Variants in TRAP1 observed in about 807,000 individuals in gnomAD.
TRAP1 encodes the protein TNF receptor associated protein 1, also known as heat shock protein 75 kDa, mitochondrial.
In TRAP1, 102 loss-of-function variants were observed where a neutral mutation model predicts 89.1. The ratio of observed to expected loss-of-function variants is 1.15; its 90% CI spans 0.98 to 1.35. TRAP1 has a LOEUF of 1.35. Ranked by LOEUF, TRAP1 falls within the 40% of genes most tolerant of loss-of-function variation. The pLI, the probability that TRAP1 is intolerant of heterozygous loss-of-function variation, is 0.00. For missense variants in TRAP1, 1,256 were observed against 945.3 expected, an observed-to-expected ratio of 1.33 and a Z score of -4.31; for synonymous variants, 508 against 388.0, an observed-to-expected ratio of 1.31 and a Z score of -3.64.
chr16:3,691,011 A>T, intron 1 of TRAP1, 26 bp from the exon 2 acceptor site: 1 of 1,454,896 alleles, frequency 6.9e-7, no homozygotes, highest in Non-Finnish European at 9.1e-7. Context: ...TGCAGAAAGA[A>T]TGAGAATTAG....
At chr16:3,659,153 C>G in intron 16 of TRAP1, 2 of 318,088 alleles carry the variant, frequency 6.3e-6, no homozygotes, top group Non-Finnish European at 1.2e-5. Context: ...GCCTTGGTTC[C>G]TAGATAAATA....
At chr16:3,683,574 T>A (rs1403433735) in intron 4 of TRAP1, among the ~76,000 whole-genome samples, 2 of 151,494 alleles carry the variant, frequency 1.3e-5, no homozygotes, top group African/African-American at 4.8e-5. Flanking sequence ...TTATTAGAGA[T>A]GGGGTTTCAC....
At position 3,666,560 on chromosome 16, in the gene TRAP1, TAA is replaced by T. The variant is rs35863772; in HGVS notation, c.1236-444_1236-443del. ...AAAATTATGTAATGCTAAATGGCCATAAAAAAAAAAAACTGCATCTTTTAATA... is the reference window on the plus strand; with the variant it reads ...AAAATTATGTAATGCTAAATGGCCATAAAAAAAAAACTGCATCTTTTAATA... On this transcript the variant is annotated intron_variant, in intron 11 of 17. Coordinates refer to ENST00000246957, the MANE Select transcript of TRAP1 (RefSeq NM_016292.3). 8.2e-3 allele frequency among the ~76,000 whole-genome samples: 1,210 copies of T among 147,786 alleles called. 18 individuals are homozygous for T. The highest frequency in any genetic ancestry group is 0.028 in the African/African-American group (1,154 of 40,772).
At chr16:3,712,610 T>A (rs908138066) in intron 1 of TRAP1, among the ~76,000 whole-genome samples, 6 of 152,182 alleles carry the variant, frequency 3.9e-5, no homozygotes, top group African/African-American at 1.4e-4. Flanking sequence ...ACATTCGGAT[T>A]GATGTGTTTG....
At chr16:3,708,137 G>A (rs2051476216) in intron 1 of TRAP1, among the ~76,000 whole-genome samples, 2 of 152,038 alleles carry the variant, frequency 1.3e-5, no homozygotes, top group South Asian at 2.1e-4. Context: ...GGTCAGGCCT[G>A]CAGCGAGCCA....
Position 3,685,981 on chromosome 16 carries a change from C to G in TRAP1, c.471+15G>C. ...TGGCCGGGCCTGCCACACGCCTGGA[C>G]ACTGAGGGAGGTACCTGGATGGTGA... On this transcript the variant is annotated intron_variant, in intron 4 of 17. Transcript: ENST00000246957. 6.2e-7 allele frequency: 1 copy of G among 1,612,828 alleles called. No homozygotes were observed. The highest frequency in any genetic ancestry group is 8.5e-7 in the Non-Finnish European group (1 of 1,179,362).
In TRAP1 at chr16:3,713,175, G is replaced by A. The variant is rs117877579; in HGVS notation, c.88+4246C>T. 1.4e-4 allele frequency among the ~76,000 whole-genome samples: 22 copies of A among 152,214 alleles called. 1 individual carries two copies. The East Asian group carries it at 2.3e-3, about 16-fold the overall frequency. On this transcript the variant is annotated intron_variant, in intron 1 of 17. Coordinates refer to ENST00000246957, the MANE Select transcript of TRAP1 (RefSeq NM_016292.3). ...CCCCTCCACTCTGAAAAGAACAGCC[G>A]GAGAGCACCAGAAATTCACCTGAAT... is the stretch of plus-strand genomic sequence containing the variant.
intron 3 of TRAP1, among the ~76,000 whole-genome samples, chr16:3,687,747 C>T (rs1207994424): frequency 6.6e-6 from 1 of 151,300 alleles, no homozygotes; most frequent in Non-Finnish European, 1.5e-5. Context: ...CAGCCAGAGG[C>T]TGAGGAGGAA....
At chr16:3,708,549 A>C (rs2051482408) in intron 1 of TRAP1, among the ~76,000 whole-genome samples, 1 of 152,052 alleles carries the variant, frequency 6.6e-6, no homozygotes. Context: ...AGGCAGGAGA[A>C]ATGCTTCAAC....
At chr16:3,690,669 C>G (rs1390010433) in intron 2 of TRAP1, among the ~76,000 whole-genome samples, 158 bp downstream of exon 2, 1 of 152,216 alleles carries the variant, frequency 6.6e-6, no homozygotes, top group African/African-American at 2.4e-5. Context: ...CTCGCTGGGA[C>G]AGAAATGGAG....
intron 6 of TRAP1, 27 bp from the exon 7 acceptor site, chr16:3,676,172 C>T (rs1391208635): frequency 1.9e-6 from 3 of 1,604,424 alleles, no homozygotes; most frequent in Non-Finnish European, 2.6e-6. Flanking sequence ...AAGGAAAAGC[C>T]AGGTGGATGT....
At chr16:3,677,749 C>A (rs1335241926) in intron 5 of TRAP1, 91 bp from the exon 6 acceptor site, 2 of 1,435,070 alleles carry the variant, frequency 1.4e-6, no homozygotes, top group African/African-American at 1.4e-5. Context: ...ACCGCTAAGA[C>A]CCCTTCATCC....
At chr16:3,717,177 A>G (rs879872830) in intron 1 of TRAP1, among the ~76,000 whole-genome samples, 52 of 152,282 alleles carry the variant, frequency 3.4e-4, no homozygotes, top group Middle Eastern at 6.8e-3. Flanking sequence ...CGACCCCCCA[A>G]GACCCAGCCT....
At chr16:3,676,243 C>T in intron 6 of TRAP1, 98 bp from the exon 7 acceptor site, 1 of 957,770 alleles carries the variant, frequency 1.0e-6, no homozygotes, top group Non-Finnish European at 1.6e-6. Flanking sequence ...TAGGCAGAGC[C>T]CAAACAACAC....
chr16:3,671,179 C>T (rs1013185206), intron 11 of TRAP1, among the ~76,000 whole-genome samples: 1 of 152,182 alleles, frequency 6.6e-6, no homozygotes, highest in African/African-American at 2.4e-5. Context: ...GAAACCTGCC[C>T]TATGTGGCTG....
intron 11 of TRAP1, among the ~76,000 whole-genome samples, chr16:3,669,368 G>A (rs1431052855): frequency 6.6e-6 from 1 of 152,202 alleles, no homozygotes. Context: ...TCGGGGTCCT[G>A]CTGTCAGAAG....
chr16:3,674,664 G>A, intron 8 of TRAP1, 170 bp from the exon 9 acceptor site: 1 of 766,754 alleles, frequency 1.3e-6, no homozygotes, highest in Non-Finnish European at 2.1e-6. Flanking sequence ...GCTATGCCGG[G>A]TAGTGCAGGG....
chr16:3,715,364 G>A (rs1394592839), intron 1 of TRAP1, among the ~76,000 whole-genome samples: 2 of 152,084 alleles, frequency 1.3e-5, no homozygotes, highest in Non-Finnish European at 2.9e-5. Context: ...CCTGAACCCG[G>A]GAGGCGGAGC....
In TRAP1 at chr16:3,694,089, A is replaced by G. The variant is rs145106331; in HGVS notation, c.89-3104T>C. Among the ~76,000 whole-genome samples the G allele has an allele frequency of 6.1e-4, 92 of 151,028 alleles. 2 individuals carry two copies. The East Asian group carries it at 0.017, about 27-fold the overall frequency. ...GAGAGTCCATCCCGCACCTCTCCCC[A>G]GCTTCTGGCAGTAGCCGGCATCCTT... On this transcript the variant is annotated intron_variant, in intron 1 of 17. Coordinates refer to ENST00000246957, the MANE Select transcript of TRAP1 (RefSeq NM_016292.3).
Sources: allele counts gnomAD v4.1 joint callset (sites outside exome capture counted in the v4.1 genomes callset), GRCh38; gene constraint gnomAD v4.1.1; transcripts MANE v1.5; gene names NCBI Gene and HGNC (gene_info 2026-07-23, HGNC 2026-07-21).